Variants in MYO1H observed in about 807,000 individuals in gnomAD.
MYO1H encodes myosin IH.
A neutral mutation model predicts 149.3 loss-of-function variants in MYO1H; 118 were observed. That is an observed-to-expected ratio of 0.79 (90% CI 0.68 to 0.92). MYO1H has a LOEUF of 0.92. Ranked by LOEUF, MYO1H falls within the 40% of genes least tolerant of loss-of-function variation. The pLI is 0.00. For missense variants in MYO1H, 1,212 were observed against 1,280.7 expected, an observed-to-expected ratio of 0.95 and a Z score of 0.82; for synonymous variants, 447 against 465.2, an observed-to-expected ratio of 0.96 and a Z score of 0.50.
At chr12:109,419,615 G>A (rs12371826) in intron 15 of MYO1H, among the ~76,000 whole-genome samples, 10,243 of 151,922 alleles carry the variant, frequency 0.067, 377 homozygotes, top group South Asian at 0.11. Flanking sequence ...GTGCGCAATC[G>A]TGGCTCACTG....
intron 1 of MYO1H, among the ~76,000 whole-genome samples, chr12:109,367,915 A>G (rs1160480605): frequency 1.3e-5 from 2 of 152,144 alleles, no homozygotes; most frequent in Non-Finnish European, 2.9e-5. Flanking sequence ...GTGCAGTGGC[A>G]CAATCATGGC....
At chr12:109,400,151 A>G (rs1870100515) in intron 5 of MYO1H, among the ~76,000 whole-genome samples, 1 of 152,202 alleles carries the variant, frequency 6.6e-6, no homozygotes, top group Admixed American at 6.5e-5. Context: ...TTATATGACT[A>G]TGTCACAACT....
At chr12:109,351,282 G>T (rs552020334) in intron 1 of MYO1H, among the ~76,000 whole-genome samples, 1 of 151,930 alleles carries the variant, frequency 6.6e-6, no homozygotes, top group African/African-American at 2.4e-5. Flanking sequence ...TATTATTACC[G>T]TAAAAACTCT....
intron 1 of MYO1H, among the ~76,000 whole-genome samples, chr12:109,372,771 T>C (rs931696072): frequency 1.3e-5 from 2 of 152,038 alleles, no homozygotes; most frequent in African/African-American, 4.8e-5. Flanking sequence ...ATATGAGCTT[T>C]AGACTCAATT....
exon 15 of MYO1H, chr12:109,415,542 C>T: frequency 6.2e-7 from 1 of 1,606,482 alleles, no homozygotes; most frequent in Non-Finnish European, 8.5e-7. Flanking sequence ...GCTGGCTGGT[C>T]CAAAGGGCCG....
the MYO1H span, among the ~76,000 whole-genome samples, chr12:109,321,910 C>T: frequency 6.6e-6 from 1 of 152,084 alleles, no homozygotes; most frequent in Non-Finnish European, 1.5e-5. Flanking sequence ...GCATGCAATG[C>T]CCTTATGACC....
chr12:109,313,990 T>G, the MYO1H span, among the ~76,000 whole-genome samples: 1 of 152,068 alleles, frequency 6.6e-6, no homozygotes, highest in Non-Finnish European at 1.5e-5. Context: ...GTTCAAGTGA[T>G]TCTTCTGCCT....
upstream of MYO1H, among the ~76,000 whole-genome samples, chr12:109,347,080 G>A (rs11066355): frequency 0.026 from 3,964 of 152,140 alleles, 72 homozygotes; most frequent in Middle Eastern, 0.061. Context: ...GTCAGTCGCT[G>A]GACCCACAGT....
chr12:109,394,255 CTG>C (rs1451911928), intron 3 of MYO1H, among the ~76,000 whole-genome samples: 1 of 152,138 alleles, frequency 6.6e-6, no homozygotes, highest in East Asian at 1.9e-4. Flanking sequence ...GTAACTGACT[CTG>C]TAAAAACAAT....
intron 1 of MYO1H, among the ~76,000 whole-genome samples, chr12:109,375,935 C>T (rs1353891139): frequency 6.6e-6 from 1 of 152,174 alleles, no homozygotes; most frequent in Non-Finnish European, 1.5e-5. Context: ...TCTATAATAG[C>T]ACCACTACAC....
At chr12:109,345,617 C>G (rs901394211), upstream of MYO1H, among the ~76,000 whole-genome samples, 1 of 151,760 alleles carries the variant, frequency 6.6e-6, no homozygotes, top group Admixed American at 6.6e-5. Context: ...GGTATATACC[C>G]AAGAGAAATG....
At chr12:109,338,713 C>T in the MYO1H span, among the ~76,000 whole-genome samples, 1 of 141,776 alleles carries the variant, frequency 7.1e-6, no homozygotes, top group Non-Finnish European at 1.5e-5. Flanking sequence ...TTGCAGCGAG[C>T]TGAGATTGTG....
At chr12:109,318,982 T>TTTTTTTGTTTTTTTTG in the MYO1H span, among the ~76,000 whole-genome samples, 45 of 144,986 alleles carry the variant, frequency 3.1e-4, 1 homozygote, top group African/African-American at 1.1e-3. Flanking sequence ...GTTTTTTTTT[T>TTTTTTTGTTTTTTTTG]TTTTTTTTTT....
At chr12:109,320,669 A>C in the MYO1H span, among the ~76,000 whole-genome samples, 45 of 151,996 alleles carry the variant, frequency 3.0e-4, no homozygotes, top group South Asian at 8.7e-3. Flanking sequence ...TGTGAAGAAA[A>C]GTAAGCTGAG....
chr12:109,339,309 G>A, the MYO1H span, among the ~76,000 whole-genome samples: 8 of 152,284 alleles, frequency 5.3e-5, no homozygotes, highest in Non-Finnish European at 8.8e-5. Flanking sequence ...AGGTTGCAAT[G>A]AGCCAAGATA....
chr12:109,404,015 A>G, exon 7 of MYO1H: 3 of 1,613,858 alleles, frequency 1.9e-6, no homozygotes, highest in South Asian at 1.1e-5. Context: ...CATTAGTGAC[A>G]AGAATGACTG....
upstream of MYO1H, among the ~76,000 whole-genome samples, chr12:109,346,021 A>G (rs1443271271): frequency 6.6e-6 from 1 of 152,194 alleles, no homozygotes; most frequent in Non-Finnish European, 1.5e-5. Context: ...TTAAATAGTG[A>G]TGATGATTGC....
At chr12:109,431,286 A>G (rs1430427627) in intron 19 of MYO1H, among the ~76,000 whole-genome samples, 3 of 151,776 alleles carry the variant, frequency 2.0e-5, no homozygotes, top group East Asian at 3.9e-4. Flanking sequence ...AGGCTGAGGC[A>G]GGAGAATGGC....
At chr12:109,447,315 A>T (rs1290135505) in exon 32 of MYO1H, 1 of 826,424 alleles carries the variant, frequency 1.2e-6, no homozygotes, top group Non-Finnish European at 2.1e-6. Flanking sequence ...ATCACATCTG[A>T]AGAAACTGAG....
Sources: gnomAD v4.1 joint callset for allele counts (sites outside exome capture counted in the v4.1 genomes callset) on GRCh38, gnomAD v4.1.1 for gene constraint, MANE v1.5 for transcripts, NCBI Gene and HGNC (gene_info 2026-07-23, HGNC 2026-07-21) for gene names.